The following NCOA3 variants were observed in gnomAD, a reference collection of about 807,000 sequenced individuals.
The protein encoded by NCOA3 is nuclear receptor coactivator 3, also known as CBP-interacting protein.
NCOA3 carries 51 observed loss-of-function variants against 158.8 expected under a neutral mutation model. The ratio of observed to expected loss-of-function variants is 0.32; its 90% CI spans 0.26 to 0.41. The LOEUF (loss-of-function observed/expected upper bound fraction) is 0.41, where lower values mean the gene tolerates loss of function less well. Ranked by LOEUF, NCOA3 falls within the 10% of genes least tolerant of loss-of-function variation. The probability of loss-of-function intolerance (pLI) is 1.00; values close to 1 mark genes in which losing one functional copy is unlikely to be tolerated. For synonymous variants in NCOA3, 537 were observed against 592.4 expected (o/e 0.91, Z 1.36); for missense variants, 1,510 against 1,746.6 (o/e 0.86, Z 2.41).
intron 2 of NCOA3, among the ~76,000 whole-genome samples, chr20:47,618,061 AC>A (rs999098388): frequency 9.9e-5 from 15 of 151,744 alleles, no homozygotes; most frequent in African/African-American, 3.4e-4. Flanking sequence ...TCATGGTGAA[AC>A]CCTGTCTCTA....
intron 2 of NCOA3, among the ~76,000 whole-genome samples, chr20:47,592,683 A>G (rs759337207): frequency 1.3e-5 from 2 of 152,212 alleles, no homozygotes; most frequent in Admixed American, 6.5e-5. Context: ...TTTATCTTCT[A>G]ATAAGTTGCT....
At chr20:47,637,853 T>TAC (rs2086541838) in intron 13 of NCOA3, 70 bp downstream of exon 13, 1 of 1,364,796 alleles carries the variant, frequency 7.3e-7, no homozygotes. Flanking sequence ...TAAACACTCT[T>TAC]ACACTAAGAC....
At chr20:47,542,372 A>G (rs2084758307) in intron 1 of NCOA3, among the ~76,000 whole-genome samples, 1 of 151,972 alleles carries the variant, frequency 6.6e-6, no homozygotes, top group African/African-American at 2.4e-5. Context: ...TGGATTTTGC[A>G]AAGTATGTCT....
At chr20:47,637,138 T>C (rs2086528473) in intron 12 of NCOA3, among the ~76,000 whole-genome samples, 1 of 152,210 alleles carries the variant, frequency 6.6e-6, no homozygotes, top group Non-Finnish European at 1.5e-5. Context: ...ACATTCTGTA[T>C]AAGCATTTCC....
chr20:47,574,488 ATT>A (rs10626049), intron 1 of NCOA3, among the ~76,000 whole-genome samples: 9 of 144,050 alleles, frequency 6.2e-5, no homozygotes, highest in African/African-American at 7.5e-5. Context: ...GTATATTTTG[ATT>A]TTTTTTTTTT....
intron 1 of NCOA3, among the ~76,000 whole-genome samples, chr20:47,581,865 G>A (rs1232325505): frequency 6.6e-6 from 1 of 151,910 alleles, no homozygotes; most frequent in Non-Finnish European, 1.5e-5. Context: ...ATTTTGTTTT[G>A]GTGGTCAAAA....
intron 2 of NCOA3, among the ~76,000 whole-genome samples, chr20:47,588,131 C>CTTT (rs33989951): frequency 0.021 from 1,623 of 78,500 alleles, 256 homozygotes; most frequent in Non-Finnish European, 0.033. Context: ...CTCCACCCCA[C>CTTT]TTTTTTTTTT....
chr20:47,567,038 A>G (rs1337526594), intron 1 of NCOA3, among the ~76,000 whole-genome samples: 1 of 151,718 alleles, frequency 6.6e-6, no homozygotes, highest in Non-Finnish European at 1.5e-5. Context: ...GTATGTATGT[A>G]TGTATGTATG....
At chr20:47,529,585 G>GT (rs1379112122) in intron 1 of NCOA3, among the ~76,000 whole-genome samples, 2 of 152,226 alleles carry the variant, frequency 1.3e-5, no homozygotes, top group Middle Eastern at 3.4e-3. Context: ...GCTAATTTTT[G>GT]TATTTTTAGT....
intron 2 of NCOA3, among the ~76,000 whole-genome samples, chr20:47,591,255 T>A (rs1192379440): frequency 6.6e-6 from 1 of 152,278 alleles, no homozygotes; most frequent in Non-Finnish European, 1.5e-5. Context: ...TTTTAAGTTG[T>A]CTGCTTAGAT....
chr20:47,652,323 A>G, intron 20 of NCOA3, 83 bp from the exon 21 acceptor site: 2 of 1,359,412 alleles, frequency 1.5e-6, no homozygotes, highest in South Asian at 1.4e-5. Context: ...CCTTTAAAAA[A>G]AAAACAAAAT....
Position 47,627,956 on chromosome 20 carries a change from C to T in NCOA3, c.756C>T (p.Arg252=). ...LQSCMICVAR[R]ITTGERTFPS... ...CTTGTATGATCTGTGTGGCACGCCG[C>T]ATTACTACAGGAGAAAGAACATTTC... Residue 252 remains arginine (R), a synonymous_variant, in exon 8 of 23, where the codon CGC becomes CGT. Coordinates refer to ENST00000371998, the MANE Select transcript of NCOA3 (RefSeq NM_181659.3). The T allele has an allele frequency of 1.2e-6, 2 of 1,613,940 alleles. No homozygotes were observed. Among genetic ancestry groups the T allele is most frequent in the Non-Finnish European group, 1.7e-6 (2 of 1,179,942 alleles).
intron 1 of NCOA3, among the ~76,000 whole-genome samples, chr20:47,504,050 GAT>G: frequency 6.6e-6 from 1 of 152,298 alleles, no homozygotes. Flanking sequence ...TCTGCCATAA[GAT>G]ATTTAATTAC....
At chr20:47,537,258 A>G (rs899335762) in intron 1 of NCOA3, among the ~76,000 whole-genome samples, 3 of 152,138 alleles carry the variant, frequency 2.0e-5, no homozygotes, top group African/African-American at 7.2e-5. Flanking sequence ...AAAGTTGGTA[A>G]AAGTAGTGCT....
intron 1 of NCOA3, among the ~76,000 whole-genome samples, chr20:47,550,740 T>G (rs2084916878): frequency 6.6e-6 from 1 of 152,200 alleles, no homozygotes; most frequent in South Asian, 2.1e-4. Flanking sequence ...ATGTATTTAA[T>G]CTACTTATGT....
intron 17 of NCOA3, among the ~76,000 whole-genome samples, chr20:47,644,698 T>G (rs2146336935): frequency 6.6e-6 from 1 of 152,006 alleles, no homozygotes; most frequent in South Asian, 2.1e-4. Context: ...CTCCCCAAAT[T>G]TTTATTTATT....
chr20:47,609,656 G>C (rs1339924005), intron 2 of NCOA3, among the ~76,000 whole-genome samples: 2 of 151,438 alleles, frequency 1.3e-5, no homozygotes, highest in Non-Finnish European at 2.9e-5. Context: ...TTGAACTCGG[G>C]AGGCAGAGAT....
At chr20:47,539,071 CT>C (rs2084681525) in intron 1 of NCOA3, among the ~76,000 whole-genome samples, 2 of 152,172 alleles carry the variant, frequency 1.3e-5, no homozygotes, top group African/African-American at 4.8e-5. Flanking sequence ...GTTTTAGTAT[CT>C]TTCTTGGGTT....
At position 47,636,027 on chromosome 20, in the gene NCOA3, A is replaced by T; in HGVS notation, c.1641A>T (p.Lys547Asn). ...CTACTCTGTCATCACCAGGCCCCAA[A>T]TTGGATAACTCTCCCAATATGAATA... ...LLSTLSSPGP[K>N]LDNSPNMNIT... is the part of the protein sequence containing the mutation. The change falls in exon 12 of 23, where the codon AAA becomes AAT. Residue 547 changes from lysine to asparagine, a missense_variant. Coordinates refer to ENST00000371998, the MANE Select transcript of NCOA3 (RefSeq NM_181659.3). 2.5e-6 allele frequency: 4 copies of T among 1,614,122 alleles called. No homozygotes were observed. Among genetic ancestry groups the T allele is most frequent in the Non-Finnish European group, 3.4e-6 (4 of 1,180,024 alleles).
Sources: allele counts gnomAD v4.1 joint callset (sites outside exome capture counted in the v4.1 genomes callset), GRCh38; gene constraint gnomAD v4.1.1; transcripts MANE v1.5; gene names NCBI Gene and HGNC (gene_info 2026-07-23, HGNC 2026-07-21).